The following RASGRP1 variants were observed in gnomAD, a reference collection of about 807,000 sequenced individuals.
The protein encoded by RASGRP1 is RAS guanyl-releasing protein 1.
Under a neutral mutation model 95.1 loss-of-function variants are expected in RASGRP1, and 37 were observed. The observed-to-expected ratio is 0.39, with a 90% CI of 0.30 to 0.51. The LOEUF is 0.51. Among genes scored for constraint, RASGRP1 ranks in the 20% least tolerant of loss-of-function variants. The pLI is 0.80. For missense variants in RASGRP1, 711 were observed against 965.4 expected (o/e 0.74, Z 3.49); for synonymous variants, 325 against 353.4 (o/e 0.92, Z 0.90).
intron 1 of RASGRP1, among the ~76,000 whole-genome samples, chr15:38,561,943 G>A (rs569020405): frequency 1.3e-5 from 2 of 152,266 alleles, no homozygotes; most frequent in South Asian, 4.1e-4. Flanking sequence ...TACCGTGCTG[G>A]GGACTGACCC....
At chr15:38,528,048 T>A (rs1892296222) in intron 2 of RASGRP1, among the ~76,000 whole-genome samples, 3 of 152,264 alleles carry the variant, frequency 2.0e-5, no homozygotes, top group Middle Eastern at 6.8e-3. Flanking sequence ...ATCCACCATT[T>A]CACTGGTACT....
chr15:38,528,143 C>T lies in RASGRP1; in HGVS notation c.221-1739G>A, dbSNP rs149784252. Among the ~76,000 whole-genome samples, 475 of 152,132 alleles carry T rather than the reference C, an allele frequency of 3.1e-3. 3 individuals are homozygous for T. Among genetic ancestry groups the T allele is most frequent in the African/African-American group, 0.011 (449 of 41,500 alleles). ...TCTGGGTCTCCCCCTTTCTCAAGGACGTTGATCCTGCATTTGTCCATTTTC... is the reference window on the plus strand; with the variant it reads ...TCTGGGTCTCCCCCTTTCTCAAGGATGTTGATCCTGCATTTGTCCATTTTC... On this transcript the variant is annotated intron_variant, in intron 2 of 16. Coordinates refer to ENST00000310803, the MANE Select transcript of RASGRP1 (RefSeq NM_005739.4).
chr15:38,547,507 C>G (rs1331300350), intron 2 of RASGRP1, among the ~76,000 whole-genome samples: 2 of 152,156 alleles, frequency 1.3e-5, no homozygotes, highest in Non-Finnish European at 1.5e-5. Flanking sequence ...ATGCACCCTC[C>G]AAGAGCTGCC....
rs1324488863 is a variant in RASGRP1 at position 38,564,650 on chromosome 15, T to G, written c.-22A>C. On this transcript the variant is annotated 5_prime_UTR_variant, in exon 1 of 17. Coordinates refer to ENST00000310803, the MANE Select transcript of RASGRP1 (RefSeq NM_005739.4). ...CCATGGCCGCGGCCCGCGCTCCCGG[T>G]GCCGGCTCACCTAGCGCGGCCGGGC... is the stretch of plus-strand genomic sequence containing the variant. 7.6e-7 allele frequency: 1 copy of G among 1,310,640 alleles called. No individual in the cohort carries two copies. Among genetic ancestry groups the G allele is most frequent in the Non-Finnish European group, 9.8e-7 (1 of 1,024,416 alleles). The allele number at this position is 1,310,640 out of a possible 1,614,324, so 81.2% of individuals were successfully genotyped here. A position where few individuals can be genotyped will look rare whatever the true frequency, so the allele number is the denominator to read the frequency against.
intron 10 of RASGRP1, chr15:38,504,253 CTAAG>C (rs1020769908): frequency 1.3e-4 from 20 of 151,958 alleles, no homozygotes; most frequent in Non-Finnish European, 2.1e-4. Flanking sequence ...TTAGACTACA[CTAAG>C]TTTCTTAAAT....
intron 9 of RASGRP1, among the ~76,000 whole-genome samples, chr15:38,506,635 C>CAAAAAAAAAAAAAAAAAAAAAAAAAAAA (rs370153317): frequency 1.4e-5 from 1 of 71,622 alleles, no homozygotes; most frequent in Non-Finnish European, 2.7e-5. Flanking sequence ...ACCTTGTCTC[C>CAAAAAAAAAAAAAAAAAAAAAAAAAAAA]AAAAAAAAAA....
At chr15:38,548,046 G>A (rs1893173531) in intron 2 of RASGRP1, among the ~76,000 whole-genome samples, 1 of 150,066 alleles carries the variant, frequency 6.7e-6, no homozygotes, top group South Asian at 2.1e-4. Flanking sequence ...GGAATGCGCT[G>A]TGACACGAGA....
In RASGRP1 at chr15:38,536,432, T is replaced by C. The variant is rs939685330; in HGVS notation, c.221-10028A>G. Among the ~76,000 whole-genome samples, 5 of 152,240 alleles carry C rather than the reference T, an allele frequency of 3.3e-5. 1 individual carries two copies. Among genetic ancestry groups the C allele is most frequent in the Admixed American group, 3.3e-4 (5 of 15,288 alleles). ...CTCTTACCTTGCTCACTGGAGCATA[T>C]TTGTATCACGTCATTCTTATCTATT... On this transcript the variant is annotated intron_variant, in intron 2 of 16. Coordinates refer to ENST00000310803, the MANE Select transcript of RASGRP1 (RefSeq NM_005739.4).
chr15:38,525,711 T>G (rs1377545017), intron 3 of RASGRP1, among the ~76,000 whole-genome samples: 1 of 152,142 alleles, frequency 6.6e-6, no homozygotes, highest in African/African-American at 2.4e-5. Flanking sequence ...TCTTCTTTTG[T>G]GGGGGCTGCT....
Position 38,516,337 on chromosome 15 carries a change from A to C in RASGRP1, c.535T>G (p.Trp179Gly). The C allele has an allele frequency of 6.2e-7, 1 of 1,611,138 alleles. No individual in the cohort carries two copies. The highest frequency in any genetic ancestry group is 1.1e-5 in the South Asian group (1 of 91,034). Residue 179 changes from tryptophan to glycine, a missense_variant, in exon 6 of 17, where the codon TGG (tryptophan) becomes GGG (glycine). Physicochemically the swap from Trp to Gly is radical, Grantham distance 184. Transcript: ENST00000310803. ...IDTTQINARDWSRKLTQRIKS... is the reference protein window; with the variant it reads ...IDTTQINARDGSRKLTQRIKS... ...ATCCTTTGAGTAAGTTTCCTGGACC[A>C]GTCACGGGCATTGCTTTTGTGGGTA...
chr15:38,506,940 A>G (rs568467650), intron 9 of RASGRP1, among the ~76,000 whole-genome samples: 62 of 152,296 alleles, frequency 4.1e-4, no homozygotes, highest in African/African-American at 1.4e-3. Flanking sequence ...AATAAGTGAA[A>G]GGGCTAGGAT....
chr15:38,526,158 C>T (rs988568497), intron 3 of RASGRP1, 141 bp downstream of exon 3: 1 of 677,936 alleles, frequency 1.5e-6, no homozygotes, highest in Non-Finnish European at 2.6e-6. Context: ...CACATGCACC[C>T]ATACCCCTGA....
intron 2 of RASGRP1, among the ~76,000 whole-genome samples, chr15:38,552,576 AC>A (rs1158829040): frequency 5.5e-4 from 84 of 152,362 alleles, no homozygotes; most frequent in African/African-American, 1.9e-3. Context: ...ATGCTAGCAT[AC>A]CATTATATAG....
At chr15:38,500,012 C>G (rs1890950298) in intron 14 of RASGRP1, 91 bp downstream of exon 14, 4 of 1,342,134 alleles carry the variant, frequency 3.0e-6, no homozygotes, top group Non-Finnish European at 4.2e-6. Context: ...AACCTCTTGC[C>G]TTTATAAATT....
chr15:38,557,562 C>T (rs570910176), intron 2 of RASGRP1, among the ~76,000 whole-genome samples: 2 of 151,586 alleles, frequency 1.3e-5, no homozygotes, highest in Non-Finnish European at 1.5e-5. Flanking sequence ...ACTCTTCCTG[C>T]ATGCCTTCGG....
intron 8 of RASGRP1, among the ~76,000 whole-genome samples, chr15:38,508,643 T>C (rs1249974077): frequency 1.3e-5 from 2 of 152,170 alleles, no homozygotes; most frequent in Non-Finnish European, 2.9e-5. Context: ...CTGAATAGAC[T>C]AGATCAATTC....
chr15:38,527,110 T>C (rs1322338796), intron 2 of RASGRP1, among the ~76,000 whole-genome samples: 1 of 152,214 alleles, frequency 6.6e-6, no homozygotes, highest in East Asian at 1.9e-4. Context: ...TGGCATTGGG[T>C]AAAAAGATTC....
At position 38,494,728 on chromosome 15, in the gene RASGRP1, GC is replaced by G; in HGVS notation, c.1912del (p.Ala638LeufsTer15). 1 of 1,514,002 alleles carries G rather than the reference GC, an allele frequency of 6.6e-7. No individual in the cohort carries two copies. Among genetic ancestry groups the G allele is most frequent in the Non-Finnish European group, 8.8e-7 (1 of 1,133,874 alleles). 93.8% of individuals were successfully genotyped at this position (1,514,002 alleles called of 1,614,324 possible). A position where few individuals can be genotyped will look rare whatever the true frequency, so the allele number is the denominator to read the frequency against. ...EGPFTFPNGE[A>X]VEHGEESKDR... ...CTTACTCTCCTCACCATGTTCCACA[GC>G]CTCCCCATTAGGGAATGTAAAAGGT... On this transcript the variant is annotated frameshift_variant, in exon 16 of 17. Coordinates refer to ENST00000310803, the MANE Select transcript of RASGRP1 (RefSeq NM_005739.4). LOFTEE classifies it high-confidence loss of function.
At chr15:38,511,809 G>A in intron 7 of RASGRP1, 89 bp from the exon 8 acceptor site, 2 of 923,438 alleles carry the variant, frequency 2.2e-6, no homozygotes, top group Non-Finnish European at 3.4e-6. Flanking sequence ...TCTGTGCCGT[G>A]AGTCTCCCTT....
Sources: gnomAD v4.1 joint callset for allele counts (sites outside exome capture counted in the v4.1 genomes callset) on GRCh38, gnomAD v4.1.1 for gene constraint, MANE v1.5 for transcripts, NCBI Gene and HGNC (gene_info 2026-07-23, HGNC 2026-07-21) for gene names.